Variants in ENTREP2 observed in about 807,000 individuals in gnomAD.
ENTREP2 encodes protein ENTREP2.
At chr15:29,302,849 A>T in the ENTREP2 span, among the ~76,000 whole-genome samples, 1 of 152,196 alleles carries the variant, frequency 6.6e-6, no homozygotes, top group African/African-American at 2.4e-5. Flanking sequence ...CAAATCAATT[A>T]CACAACATTT....
chr15:29,519,960 C>T, the ENTREP2 span, among the ~76,000 whole-genome samples: 1 of 152,126 alleles, frequency 6.6e-6, no homozygotes, highest in Non-Finnish European at 1.5e-5. Context: ...CCACCCTGCA[C>T]CTTGTGACCC....
At chr15:29,526,155 C>T in the ENTREP2 span, among the ~76,000 whole-genome samples, 533 of 152,240 alleles carry the variant, frequency 3.5e-3, 5 homozygotes, top group African/African-American at 0.012. Flanking sequence ...ATTCCATGTA[C>T]GTGATATAGT....
the ENTREP2 span, among the ~76,000 whole-genome samples, chr15:29,655,198 C>T: frequency 6.6e-6 from 1 of 152,162 alleles, no homozygotes; most frequent in Non-Finnish European, 1.5e-5. Context: ...TTTCCATGTG[C>T]CCTTTCTCTT....
the ENTREP2 span, among the ~76,000 whole-genome samples, chr15:29,620,360 T>C: frequency 1.3e-5 from 2 of 152,088 alleles, no homozygotes; most frequent in African/African-American, 2.4e-5. Flanking sequence ...TGCTCTCCCA[T>C]GCCCAGGAGG....
At chr15:29,195,398 T>C in the ENTREP2 span, 2 of 888,666 alleles carry the variant, frequency 2.3e-6, no homozygotes, top group Middle Eastern at 5.7e-4. Flanking sequence ...GAGGTGGCTC[T>C]CTGCAGTTTC....
At chr15:29,534,932 A>T in the ENTREP2 span, among the ~76,000 whole-genome samples, 1 of 152,242 alleles carries the variant, frequency 6.6e-6, no homozygotes, top group Non-Finnish European at 1.5e-5. Flanking sequence ...AATTTATTAC[A>T]TGTGAAGAAC....
chr15:29,587,528 A>T, the ENTREP2 span, among the ~76,000 whole-genome samples: 1 of 152,168 alleles, frequency 6.6e-6, no homozygotes, highest in East Asian at 1.9e-4. Context: ...ATGTTTTAAA[A>T]CTCACTGGTT....
the ENTREP2 span, among the ~76,000 whole-genome samples, chr15:29,586,656 C>T: frequency 6.6e-6 from 1 of 150,946 alleles, no homozygotes; most frequent in Admixed American, 6.6e-5. Context: ...GGCTGAGACA[C>T]GAGAATCACT....
At chr15:29,347,246 C>T in the ENTREP2 span, among the ~76,000 whole-genome samples, 1 of 152,178 alleles carries the variant, frequency 6.6e-6, no homozygotes, top group East Asian at 1.9e-4. Flanking sequence ...ACCATTATAG[C>T]TCACTGTCTT....
At chr15:29,597,180 G>A in the ENTREP2 span, among the ~76,000 whole-genome samples, 34,645 of 151,750 alleles carry the variant, frequency 0.23, 4,155 homozygotes, top group South Asian at 0.33. Flanking sequence ...TGTCTCTGTC[G>A]CTTGCTTTTT....
chr15:29,489,399 C>T, the ENTREP2 span, among the ~76,000 whole-genome samples: 1 of 152,174 alleles, frequency 6.6e-6, no homozygotes, highest in Non-Finnish European at 1.5e-5. Flanking sequence ...CAAAGTAAGA[C>T]GTTGCCCTTG....
At chr15:29,584,052 T>G in the ENTREP2 span, among the ~76,000 whole-genome samples, 1 of 152,108 alleles carries the variant, frequency 6.6e-6, no homozygotes, top group Non-Finnish European at 1.5e-5. Context: ...TCATCAAAAT[T>G]AAAACTTTTT....
At chr15:29,493,500 A>G in the ENTREP2 span, among the ~76,000 whole-genome samples, 2 of 152,120 alleles carry the variant, frequency 1.3e-5, no homozygotes, top group Non-Finnish European at 2.9e-5. Flanking sequence ...CTTAATGCTG[A>G]GCATTTAAAA....
At chr15:29,134,392 A>G in the ENTREP2 span, among the ~76,000 whole-genome samples, 1 of 152,078 alleles carries the variant, frequency 6.6e-6, no homozygotes, top group Non-Finnish European at 1.5e-5. Context: ...TCAGGGGGCC[A>G]CTGTCTGCAG....
chr15:29,595,539 C>T, the ENTREP2 span, among the ~76,000 whole-genome samples: 2 of 152,196 alleles, frequency 1.3e-5, no homozygotes, highest in East Asian at 3.9e-4. Flanking sequence ...AATTAGTTGT[C>T]GCGTCTCCTA....
the ENTREP2 span, among the ~76,000 whole-genome samples, chr15:29,173,409 T>G: frequency 6.6e-6 from 1 of 152,352 alleles, no homozygotes; most frequent in South Asian, 2.1e-4. Context: ...AAAGATCCCC[T>G]GGACGGAAGC....
the ENTREP2 span, among the ~76,000 whole-genome samples, chr15:29,448,929 A>C: frequency 1.3e-5 from 2 of 152,164 alleles, no homozygotes; most frequent in African/African-American, 4.8e-5. Context: ...CCAAGAACAC[A>C]TTTCACCTGC....
chr15:29,258,958 T>C, the ENTREP2 span, among the ~76,000 whole-genome samples: 1 of 152,242 alleles, frequency 6.6e-6, no homozygotes, highest in African/African-American at 2.4e-5. Flanking sequence ...TATTCCATTG[T>C]TCCAGAAATT....
At chr15:29,515,743 G>A in the ENTREP2 span, among the ~76,000 whole-genome samples, 1 of 152,192 alleles carries the variant, frequency 6.6e-6, no homozygotes, top group Non-Finnish European at 1.5e-5. Flanking sequence ...AGCAGCAGCA[G>A]GAACTAATAC....
Sources: allele counts gnomAD v4.1 joint callset (sites outside exome capture counted in the v4.1 genomes callset), GRCh38; gene constraint gnomAD v4.1.1; transcripts MANE v1.5; gene names NCBI Gene and HGNC (gene_info 2026-07-23, HGNC 2026-07-21).